The following EML5 variants were observed in gnomAD, a reference collection of about 807,000 sequenced individuals.
EML5 encodes the protein EMAP like 5.
EML5 carries 120 observed loss-of-function variants against 250.0 expected under a neutral mutation model. That is an observed-to-expected ratio of 0.48 (90% CI 0.41 to 0.56). The LOEUF (loss-of-function observed/expected upper bound fraction) is 0.56, where lower values mean the gene tolerates loss of function less well. Ranked by LOEUF, EML5 falls within the 20% of genes least tolerant of loss-of-function variation. EML5 has a pLI of 0.00. For missense variants in EML5, 2,006 were observed against 2,437.6 expected, an observed-to-expected ratio of 0.82 and a Z score of 3.73; for synonymous variants, 771 against 806.5, an observed-to-expected ratio of 0.96 and a Z score of 0.75.
At chr14:88,738,818 A>C in intron 6 of EML5, 61 bp downstream of exon 6, 2 of 1,495,692 alleles carry the variant, frequency 1.3e-6, no homozygotes, top group Non-Finnish European at 1.8e-6. Context: ...ACTGAAAGAA[A>C]GAGATAATCT....
chr14:88,682,225 C>T (rs1036241365), intron 20 of EML5, among the ~76,000 whole-genome samples, 194 bp from the exon 21 acceptor site: 4 of 152,092 alleles, frequency 2.6e-5, no homozygotes, highest in African/African-American at 9.7e-5. Context: ...TTTAGCTCCA[C>T]AATTACCATA....
intron 8 of EML5, among the ~76,000 whole-genome samples, chr14:88,722,565 G>T (rs116230315): frequency 0.01 from 1,561 of 152,090 alleles, 25 homozygotes; most frequent in African/African-American, 0.036. Flanking sequence ...GCTGAACAAT[G>T]AGAACTATGG....
intron 21 of EML5, among the ~76,000 whole-genome samples, chr14:88,680,017 ATTTTAT>A (rs2092684248): frequency 6.6e-6 from 1 of 152,158 alleles, no homozygotes; most frequent in Non-Finnish European, 1.5e-5. Flanking sequence ...AACATCAGTT[ATTTTAT>A]TTCAGTGTTT....
chr14:88,644,893 G>A (rs966100771), intron 29 of EML5, among the ~76,000 whole-genome samples: 3 of 151,794 alleles, frequency 2.0e-5, no homozygotes, highest in African/African-American at 7.3e-5. Flanking sequence ...TATTTTTTTA[G>A]TAGAGACGGG....
At chr14:88,641,603 C>T (rs1419400390) in intron 31 of EML5, among the ~76,000 whole-genome samples, 1 of 152,060 alleles carries the variant, frequency 6.6e-6, no homozygotes, top group East Asian at 1.9e-4. Flanking sequence ...ATGGAAAATG[C>T]TTTCGATAAA....
At chr14:88,734,225 A>T (rs905866725) in intron 7 of EML5, among the ~76,000 whole-genome samples, 1 of 152,166 alleles carries the variant, frequency 6.6e-6, no homozygotes, top group African/African-American at 2.4e-5. Context: ...GGAAAGAATT[A>T]AGCACCTTTC....
rs140532812 is a variant in EML5, at chr14:88,686,683, C to T, written c.2854+533G>A. On this transcript the variant is annotated intron_variant, in intron 19 of 43. Transcript: ENST00000554922. ...AAAATTTGCTGAGTATGGTGGCAGG[C>T]GCCTTTAGTCCCAACTACTCAGGAG... is the stretch of plus-strand genomic sequence containing the variant. 1.4e-3 allele frequency among the ~76,000 whole-genome samples: 212 copies of T among 152,178 alleles called. 1 individual carries two copies. The highest frequency in any genetic ancestry group is 4.8e-3 in the African/African-American group (201 of 41,524).
intron 27 of EML5, among the ~76,000 whole-genome samples, 165 bp downstream of exon 27, chr14:88,657,211 C>A (rs1195479441): frequency 1.3e-5 from 2 of 152,064 alleles, no homozygotes; most frequent in Non-Finnish European, 2.9e-5. Context: ...CAGGCTGATA[C>A]CAAAAGGTAT....
At chr14:88,736,325 T>C (rs1283628554) in intron 7 of EML5, 39 bp downstream of exon 7, 2 of 1,595,250 alleles carry the variant, frequency 1.3e-6, no homozygotes, top group Non-Finnish European at 1.7e-6. Context: ...TATCTAAGGA[T>C]ACATTCCAGC....
At position 88,715,206 on chromosome 14, in the gene EML5, GA is replaced by G; in HGVS notation, c.1188-12del. The G allele has an allele frequency of 6.4e-7, 1 of 1,556,642 alleles. No homozygotes were observed. The highest frequency in any genetic ancestry group is 8.7e-7 in the Non-Finnish European group (1 of 1,153,316). ...ACTTCCGTCATATCTCTGTTAAAAA[GA>G]AAAAAATGAGACTACATGAACAGAA... On this transcript the variant is annotated splice_polypyrimidine_tract_variant and intron_variant, in intron 8 of 43. Transcript: ENST00000554922.
Position 88,621,216 on chromosome 14 carries a change from T to C in EML5, c.5099A>G (p.His1700Arg), listed in dbSNP as rs2088856402. The change falls in exon 38 of 44, where the codon CAT (histidine) becomes CGT (arginine). Residue 1700 changes from histidine to arginine, a missense_variant. By Grantham distance (29) the His-to-Arg change is conservative (BLOSUM62 0). Around this residue, in one of 7 missense-constraint regions of EML5, gnomAD observed 405 missense variants for 523.3 expected, o/e 0.77. Transcript: ENST00000554922. Reference protein sequence around the residue: ...NAACNILVNGHVDGPIWGLAT... With the variant: ...NAACNILVNGRVDGPIWGLAT... ...TAGTCCCCAGATTGGCCCATCCACA[T>C]GACCGTTAACTAAAATATTACAAGC... The C allele has an allele frequency of 1.9e-6, 3 of 1,613,852 alleles. No individual in the cohort carries two copies. Among genetic ancestry groups the C allele is most frequent in the Non-Finnish European group, 2.5e-6 (3 of 1,179,884 alleles).
At chr14:88,742,133 A>C (rs2093933668) in intron 4 of EML5, among the ~76,000 whole-genome samples, 1 of 152,146 alleles carries the variant, frequency 6.6e-6, no homozygotes, top group Admixed American at 6.5e-5. Flanking sequence ...CTGAGACAGA[A>C]TCTCTGAAGC....
chr14:88,771,048 A>C (rs2094387507), intron 1 of EML5, among the ~76,000 whole-genome samples: 1 of 152,206 alleles, frequency 6.6e-6, no homozygotes, highest in Non-Finnish European at 1.5e-5. Context: ...TAACATGTTA[A>C]ACAAACATAA....
intron 3 of EML5, 85 bp downstream of exon 3, chr14:88,746,100 A>G: frequency 9.0e-7 from 1 of 1,109,254 alleles, no homozygotes; most frequent in East Asian, 2.4e-5. Context: ...GGCAATAACA[A>G]AATACAGAAG....
At chr14:88,758,084 T>C (rs905806103) in intron 1 of EML5, among the ~76,000 whole-genome samples, 1 of 151,362 alleles carries the variant, frequency 6.6e-6, no homozygotes, top group African/African-American at 2.4e-5. Flanking sequence ...CTCAAACTTT[T>C]GGGCTTAAGA....
At chr14:88,730,221 C>T (rs1010107287) in intron 7 of EML5, among the ~76,000 whole-genome samples, 4 of 152,086 alleles carry the variant, frequency 2.6e-5, no homozygotes, top group African/African-American at 4.8e-5. Context: ...TGTAGCTGTG[C>T]TAAAAGGATA....
At chr14:88,676,403 GAA>G (rs2092594143) in intron 21 of EML5, among the ~76,000 whole-genome samples, 5 of 152,128 alleles carry the variant, frequency 3.3e-5, no homozygotes, top group Non-Finnish European at 7.4e-5. Flanking sequence ...CCAGACACAT[GAA>G]ACCATCAGAA....
chr14:88,686,193 G>C (rs998357050), intron 19 of EML5, among the ~76,000 whole-genome samples: 2 of 152,050 alleles, frequency 1.3e-5, no homozygotes, highest in Non-Finnish European at 2.9e-5. Flanking sequence ...GTAACTGGAG[G>C]GGGCAGGAAG....
intron 2 of EML5, among the ~76,000 whole-genome samples, 190 bp downstream of exon 2, chr14:88,754,322 G>A (rs1225735760): frequency 6.6e-6 from 1 of 152,000 alleles, no homozygotes; most frequent in African/African-American, 2.4e-5. Flanking sequence ...TAATTCAATT[G>A]AGAAAGTTCT....
Sources: gnomAD v4.1 joint callset for allele counts (sites outside exome capture counted in the v4.1 genomes callset) on GRCh38, gnomAD v4.1.1 for gene constraint, gnomAD v4.1.1 regional missense constraint, MANE v1.5 for transcripts, NCBI Gene and HGNC (gene_info 2026-07-23, HGNC 2026-07-21) for gene names.